Variants in ATP6V1G3 observed in about 807,000 individuals in gnomAD.
ATP6V1G3 encodes V-type proton ATPase subunit G 3.
A neutral mutation model predicts 9.3 loss-of-function variants in ATP6V1G3; 9 were observed. That is an observed-to-expected ratio of 0.97 (90% CI 0.59 to 1.69). The LOEUF is 1.69. Among genes scored for constraint, ATP6V1G3 ranks in the 40% most tolerant of loss-of-function variants. ATP6V1G3 has a pLI of 0.00. For synonymous variants in ATP6V1G3, 43 were observed against 43.8 expected (o/e 0.98, Z 0.07); for missense variants, 133 against 139.0 (o/e 0.96, Z 0.22).
intron 1 of ATP6V1G3, among the ~76,000 whole-genome samples, chr1:198,535,621 T>C (rs1660079622): frequency 6.6e-6 from 1 of 152,142 alleles, no homozygotes; most frequent in Non-Finnish European, 1.5e-5. Flanking sequence ...TATTGGATAT[T>C]AAAATAATAT....
intron 1 of ATP6V1G3, among the ~76,000 whole-genome samples, chr1:198,537,077 C>T (rs1660143718): frequency 6.6e-6 from 1 of 152,114 alleles, no homozygotes; most frequent in Admixed American, 6.6e-5. Context: ...ACATTCCTGC[C>T]CATGTCCCTG....
At chr1:198,530,093 A>C (rs571531768) in intron 1 of ATP6V1G3, among the ~76,000 whole-genome samples, 10 of 152,176 alleles carry the variant, frequency 6.6e-5, no homozygotes, top group Admixed American at 2.6e-4. Flanking sequence ...GATCATTAAA[A>C]CTTTAAAGAA....
At chr1:198,536,061 C>T (rs952741951) in intron 1 of ATP6V1G3, among the ~76,000 whole-genome samples, 1 of 151,810 alleles carries the variant, frequency 6.6e-6, no homozygotes, top group African/African-American at 2.4e-5. Flanking sequence ...TTTAGTTAAG[C>T]ACAAATGCTA....
intron 1 of ATP6V1G3, among the ~76,000 whole-genome samples, chr1:198,532,327 G>T (rs1197699579): frequency 6.6e-6 from 1 of 152,124 alleles, no homozygotes; most frequent in African/African-American, 2.4e-5. Context: ...AGTCAGAGAA[G>T]TTGGAGAAAC....
intron 1 of ATP6V1G3, among the ~76,000 whole-genome samples, chr1:198,537,922 T>C (rs1035486780): frequency 2.6e-5 from 4 of 152,216 alleles, no homozygotes; most frequent in Non-Finnish European, 5.9e-5. Flanking sequence ...TTGCCATAGA[T>C]CGCTTATGTG....
At position 198,540,597 on chromosome 1, in the gene ATP6V1G3, G is replaced by A. The variant is rs757695000; in HGVS notation, c.54C>T (p.Ala18=). 13 of 1,614,042 alleles carry A rather than the reference G, an allele frequency of 8.1e-6. No individual in the cohort carries two copies. The South Asian group carries it at 1.3e-4, about 16-fold the overall frequency. Reference sequence around the variant, plus strand: ...TCTTGGCTTCCTCTAGCTTGTCCTTGGCCCGTTTTTCTGCCTGAAGAAGCT... The same window carrying A: ...TCTTGGCTTCCTCTAGCTTGTCCTTAGCCCGTTTTTCTGCCTGAAGAAGCT... ...IHQLLQAEKR[A]KDKLEEAKKR... Residue 18 remains alanine (A), a synonymous_variant, in exon 1 of 3, where the codon GCC becomes GCT. Transcript: ENST00000367382.
At chr1:198,538,633 A>G (rs1000084319) in intron 1 of ATP6V1G3, among the ~76,000 whole-genome samples, 2 of 152,180 alleles carry the variant, frequency 1.3e-5, no homozygotes, top group Admixed American at 6.5e-5. Context: ...GGCCTGGCAC[A>G]GTAGCTCACT....
chr1:198,534,327 G>T (rs1436993123), intron 1 of ATP6V1G3, among the ~76,000 whole-genome samples: 2 of 152,120 alleles, frequency 1.3e-5, no homozygotes, highest in Admixed American at 1.3e-4. Flanking sequence ...TATTGATGGA[G>T]GTATACATTA....
intron 2 of ATP6V1G3, among the ~76,000 whole-genome samples, chr1:198,525,795 C>T (rs1462607474): frequency 6.6e-6 from 1 of 152,034 alleles, no homozygotes; most frequent in Non-Finnish European, 1.5e-5. Context: ...GTGAAGTGGT[C>T]ACCATTTTGG....
intron 2 of ATP6V1G3, among the ~76,000 whole-genome samples, chr1:198,525,544 G>T (rs1349203353): frequency 6.6e-6 from 1 of 152,020 alleles, no homozygotes; most frequent in Non-Finnish European, 1.5e-5. Flanking sequence ...AGCCACAAAG[G>T]CAACTCATAT....
chr1:198,533,689 T>G (rs1659998829), intron 1 of ATP6V1G3, among the ~76,000 whole-genome samples: 1 of 152,102 alleles, frequency 6.6e-6, no homozygotes, highest in South Asian at 2.1e-4. Context: ...GTCATCAACT[T>G]GAAGCTGGTC....
intron 2 of ATP6V1G3, among the ~76,000 whole-genome samples, chr1:198,523,912 T>C (rs1474608761): frequency 1.3e-5 from 2 of 152,178 alleles, no homozygotes; most frequent in Non-Finnish European, 2.9e-5. Flanking sequence ...TTCCCTATTG[T>C]TTATTTTCTG....
chr1:198,533,626 T>C (rs111407450), intron 1 of ATP6V1G3, among the ~76,000 whole-genome samples: 3 of 152,326 alleles, frequency 2.0e-5, no homozygotes, highest in Non-Finnish European at 4.4e-5. Context: ...CTGGTGTTTA[T>C]ATGAACTTAG....
At chr1:198,533,300 T>TA (rs79666501) in intron 1 of ATP6V1G3, among the ~76,000 whole-genome samples, 245 of 124,878 alleles carry the variant, frequency 2.0e-3, no homozygotes, top group Admixed American at 2.9e-3. Flanking sequence ...AGACTCTGTC[T>TA]AAAAAAAAAA....
chr1:198,528,080 T>C (rs1236272358), intron 2 of ATP6V1G3, among the ~76,000 whole-genome samples: 2 of 151,890 alleles, frequency 1.3e-5, no homozygotes, highest in East Asian at 3.9e-4. Flanking sequence ...TGGTAGAAAA[T>C]GTGGTGAGAG....
At chr1:198,538,676 A>G (rs1660215799) in intron 1 of ATP6V1G3, among the ~76,000 whole-genome samples, 1 of 152,012 alleles carries the variant, frequency 6.6e-6, no homozygotes, top group Non-Finnish European at 1.5e-5. Flanking sequence ...AGGCAGAGGC[A>G]GGTGGATCTC....
intron 1 of ATP6V1G3, among the ~76,000 whole-genome samples, chr1:198,534,724 G>T (rs1329246434): frequency 6.6e-6 from 1 of 152,236 alleles, no homozygotes; most frequent in Non-Finnish European, 1.5e-5. Context: ...TATAAACAAA[G>T]GGTACTTTGG....
chr1:198,540,206 TA>T (rs1232215791), intron 1 of ATP6V1G3, among the ~76,000 whole-genome samples: 2 of 152,166 alleles, frequency 1.3e-5, no homozygotes, highest in African/African-American at 4.8e-5. Flanking sequence ...CTGATGCTTA[TA>T]AAAAATAAGT....
intron 1 of ATP6V1G3, among the ~76,000 whole-genome samples, chr1:198,531,138 CAGT>C (rs1659882596): frequency 6.6e-6 from 1 of 152,102 alleles, no homozygotes; most frequent in Non-Finnish European, 1.5e-5. Flanking sequence ...GTCATGGCAC[CAGT>C]CACCTGCTGG....
Sources: gnomAD v4.1 joint callset for allele counts (sites outside exome capture counted in the v4.1 genomes callset) on GRCh38, gnomAD v4.1.1 for gene constraint, MANE v1.5 for transcripts, NCBI Gene and HGNC (gene_info 2026-07-23, HGNC 2026-07-21) for gene names.